C11orf58: variants seen among roughly 807,000 people sequenced by gnomAD.
C11orf58 encodes chromosome 11 open reading frame 58.
C11orf58 carries 5 observed loss-of-function variants against 22.7 expected under a neutral mutation model. That is an observed-to-expected ratio of 0.22 (90% CI 0.12 to 0.46). The LOEUF (loss-of-function observed/expected upper bound fraction) is 0.46. C11orf58 is among the 20% of genes least tolerant of loss of function. The pLI, the probability that C11orf58 is intolerant of heterozygous loss-of-function variation, is 0.99. For missense variants in C11orf58, 151 were observed against 223.3 expected, an observed-to-expected ratio of 0.68 and a Z score of 2.06; for synonymous variants, 71 against 70.7, an observed-to-expected ratio of 1.00 and a Z score of -0.02.
chr11:16,754,741 A>C (rs1199745467), intron 4 of C11orf58, 130 bp from the exon 5 acceptor site: 1 of 1,430,974 alleles, frequency 7.0e-7, no homozygotes, highest in Non-Finnish European at 9.4e-7. Context: ...AATTCTACTC[A>C]AGTCTTAAAG....
chr11:16,745,774 C>T (rs1001779233), intron 2 of C11orf58, among the ~76,000 whole-genome samples: 1 of 152,190 alleles, frequency 6.6e-6, no homozygotes, highest in Non-Finnish European at 1.5e-5. Flanking sequence ...TCTCTAGATA[C>T]TTAGTTTTTG....
rs771910622 is a variant in C11orf58 at position 16,738,877 on chromosome 11, C to T, written c.63+36C>T. The T allele has an allele frequency of 1.9e-6, 3 of 1,611,800 alleles. No homozygotes were observed. In the Admixed American group the frequency reaches 5.0e-5, roughly 27 times the overall value. The stretch of plus-strand genomic sequence containing the variant: ...ATGGCGGAGTGGCTGAGGGTTGAGG[C>T]CTACTAAAGCCTGGAGTAGGCCGGG... On this transcript the variant is annotated intron_variant, in intron 1 of 4. Transcript: ENST00000228136.
chr11:16,748,416 A>C (rs187807166), intron 3 of C11orf58: 98 of 254,900 alleles, frequency 3.8e-4, no homozygotes, highest in African/African-American at 2.1e-3. Context: ...GCTACAGAGC[A>C]AGACCTCATC....
chr11:16,748,573 TA>T (rs10690437), intron 3 of C11orf58: 190 of 107,322 alleles, frequency 1.8e-3, no homozygotes, highest in African/African-American at 3.9e-3. Context: ...GTGTCTCTAC[TA>T]AAAAAAAAAA....
In C11orf58 at chr11:16,744,336, C is replaced by T. The variant is rs986832053; in HGVS notation, c.64-265C>T. 8.2e-6 allele frequency: 3 copies of T among 366,764 alleles called. No homozygotes were observed. In the South Asian group the frequency reaches 1.1e-4, roughly 14 times the overall value. The allele number at this position is 366,764 out of a possible 1,614,324, so 22.7% of individuals were successfully genotyped here. A position where few individuals can be genotyped will look rare whatever the true frequency, so the allele number is the denominator to read the frequency against. ...GCTGTAGCCCTGCAGTCTGTTTTAA[C>T]AAGCCCTCTAGGTGACGCTGATAGA... On this transcript the variant is annotated intron_variant, in intron 1 of 4. Transcript: ENST00000228136.
At chr11:16,740,835 T>C (rs771501137) in intron 1 of C11orf58, among the ~76,000 whole-genome samples, 12 of 149,786 alleles carry the variant, frequency 8.0e-5, no homozygotes, top group Non-Finnish European at 1.0e-4. Flanking sequence ...GGCTCACTCC[T>C]GTAATCCCAA....
intron 3 of C11orf58, chr11:16,750,153 C>T (rs1166397925): frequency 6.6e-6 from 1 of 152,238 alleles, no homozygotes; most frequent in East Asian, 1.9e-4. Context: ...TATCAAGAGT[C>T]CTACTTAAAT....
At chr11:16,753,042 C>T (rs1848546162) in intron 4 of C11orf58, 148 bp downstream of exon 4, 1 of 584,468 alleles carries the variant, frequency 1.7e-6, no homozygotes, top group African/African-American at 1.9e-5. Context: ...ATATGCCCTA[C>T]TGGTCTTGTA....
rs895616774 is a variant in C11orf58, at chr11:16,757,610, T to C, written c.*2506T>C. Among the ~76,000 whole-genome samples the C allele has an allele frequency of 1.3e-5, 2 of 152,218 alleles. No individual in the cohort carries two copies. The highest frequency in any genetic ancestry group is 2.4e-5 in the African/African-American group (1 of 41,448). ...TGATGTCATGCTGTCTTGGTATCCA[T>C]ACTAAAAAAGTATCAGGAAAATAGA... On this transcript the variant is annotated 3_prime_UTR_variant, in exon 5 of 5. Transcript: ENST00000228136.
At chr11:16,752,764 T>C in intron 3 of C11orf58, 21 bp from the exon 4 acceptor site, 3 of 1,526,770 alleles carry the variant, frequency 2.0e-6, no homozygotes, top group Non-Finnish European at 2.7e-6. Flanking sequence ...GAAACATAAC[T>C]AAAGTATCCT....
intron 3 of C11orf58, chr11:16,748,391 T>C (rs1361966712): frequency 5.6e-6 from 2 of 360,050 alleles, no homozygotes; most frequent in Non-Finnish European, 1.0e-5. Context: ...ATTGCACCAC[T>C]GCATTCCAGC....
At chr11:16,748,520 A>G (rs1258523196) in intron 3 of C11orf58, 1 of 152,488 alleles carries the variant, frequency 6.6e-6, no homozygotes, top group Non-Finnish European at 1.4e-5. Context: ...AGGTGGGCCG[A>G]TCACTTGAGG....
intron 4 of C11orf58, among the ~76,000 whole-genome samples, chr11:16,753,539 T>G (rs1373078446): frequency 6.6e-6 from 1 of 151,944 alleles, no homozygotes; most frequent in Non-Finnish European, 1.5e-5. Flanking sequence ...ATTTTTTGTA[T>G]TTCAGGAGAG....
At chr11:16,744,822 A>AT in intron 2 of C11orf58, 138 bp downstream of exon 2, 6 of 720,880 alleles carry the variant, frequency 8.3e-6, no homozygotes, top group Non-Finnish European at 1.4e-5. Context: ...TGGGAAATAC[A>AT]TGTGGCCTAA....
Position 16,752,909 on chromosome 11 carries a change from AT to A in C11orf58, c.318+19del, listed in dbSNP as rs1464464043. 2 of 1,566,580 alleles carry A rather than the reference AT, an allele frequency of 1.3e-6. No individual in the cohort carries two copies. Among genetic ancestry groups the A allele is most frequent in the South Asian group, 2.3e-5 (2 of 87,664 alleles). On this transcript the variant is annotated intron_variant, in intron 4 of 4. Coordinates refer to ENST00000228136, the MANE Select transcript of C11orf58 (RefSeq NM_014267.6). ...GCTTCAGTGAGGTAGTAATTAACTT[AT>A]TTTCATTGGGAAGATAATTAGTTTT...
At chr11:16,739,562 C>G (rs3802963) in intron 1 of C11orf58, 127,045 of 152,160 alleles carry the variant, frequency 0.83, 53,136 homozygotes, top group Middle Eastern at 0.91. Flanking sequence ...ATTTACTGCA[C>G]TGCCGGGTGT....
intron 1 of C11orf58, among the ~76,000 whole-genome samples, chr11:16,743,341 A>G (rs1259842876): frequency 6.6e-6 from 1 of 152,200 alleles, no homozygotes; most frequent in Non-Finnish European, 1.5e-5. Context: ...TTACTGTGAA[A>G]TATTGCAAGA....
Position 16,758,162 on chromosome 11 carries a change from T to TGTAA in C11orf58, c.*3061_*3064dup, listed in dbSNP as rs1848596633. Among the ~76,000 whole-genome samples the TGTAA allele has an allele frequency of 1.3e-5, 2 of 152,082 alleles. No individual in the cohort carries two copies. Among genetic ancestry groups the TGTAA allele is most frequent in the Non-Finnish European group, 2.9e-5 (2 of 68,036 alleles). ...TTAGGGCGTAGTCTGTTTCCACCTC[T>TGTAA]GTAAGTCCTATCTAGGCTTCCTGAT... is the stretch of plus-strand genomic sequence containing the variant. On this transcript the variant is annotated 3_prime_UTR_variant, in exon 5 of 5. Transcript: ENST00000228136.
chr11:16,753,223 G>A (rs1276357475), intron 4 of C11orf58, among the ~76,000 whole-genome samples: 3 of 151,826 alleles, frequency 2.0e-5, no homozygotes, highest in Admixed American at 1.3e-4. Flanking sequence ...GATTACAGGC[G>A]CCTGCCATCA....
Sources: gnomAD v4.1 joint callset for allele counts (sites outside exome capture counted in the v4.1 genomes callset) on GRCh38, gnomAD v4.1.1 for gene constraint, MANE v1.5 for transcripts, NCBI Gene and HGNC (gene_info 2026-07-23, HGNC 2026-07-21) for gene names.